The following ANK1 variants were observed in gnomAD, a reference collection of about 807,000 sequenced individuals.
The protein encoded by ANK1 is ankyrin 1, also known as ankyrin-1.
ANK1 carries 51 observed loss-of-function variants against 210.4 expected under a neutral mutation model. The observed-to-expected ratio is 0.24, with a 90% CI of 0.19 to 0.31. The LOEUF is 0.31. Among genes scored for constraint, ANK1 ranks in the 10% least tolerant of loss-of-function variants. The pLI is 1.00. For synonymous variants in ANK1, 967 were observed against 1,025.9 expected (o/e 0.94, Z 1.10); for missense variants, 2,051 against 2,504.4 (o/e 0.82, Z 3.86).
chr8:41,701,429 C>T, intron 22 of ANK1, 121 bp downstream of exon 22: 4 of 835,952 alleles, frequency 4.8e-6, no homozygotes, highest in South Asian at 1.4e-5. Flanking sequence ...GTTTCAGTGT[C>T]CATCTATAGT....
chr8:41,690,530 G>C lies in ANK1; in HGVS notation c.3928C>G (p.Gln1310Glu). Reference protein sequence around the residue: ...NLVPVKKAAQQRSFHFQSFRE... With the variant: ...NLVPVKKAAQERSFHFQSFRE... ...AATGACTGGAAGTGGAAGCTCCGCT[G>C]CTGGGCAGCTTTCTTCACAGGCACC... Residue 1310 changes from glutamine (Q) to glutamate (E), a missense_variant, in exon 32 of 43, where the codon CAG (glutamine) becomes GAG (glutamate). Physicochemically the swap from Gln to Glu is conservative, Grantham distance 29. Coordinates refer to ENST00000289734, the MANE Select transcript of ANK1 (RefSeq NM_000037.4). 4 of 1,614,114 alleles carry C rather than the reference G, an allele frequency of 2.5e-6. No individual in the cohort carries two copies. Among genetic ancestry groups the C allele is most frequent in the Non-Finnish European group, 1.7e-6 (2 of 1,179,960 alleles).
intron 1 of ANK1, among the ~76,000 whole-genome samples, chr8:41,830,149 T>G (rs1338856988): frequency 6.6e-6 from 1 of 151,170 alleles, no homozygotes; most frequent in East Asian, 1.9e-4. Flanking sequence ...TACCTTTTAT[T>G]TGGGCAAGGG....
chr8:41,655,823 A>G (rs1805460491), intron 42 of ANK1, 70 bp from the exon 43 acceptor site: 2 of 1,545,606 alleles, frequency 1.3e-6, no homozygotes, highest in Non-Finnish European at 8.9e-7. Flanking sequence ...AACCCCACAC[A>G]CAGAGTTTTG....
intron 17 of ANK1, among the ~76,000 whole-genome samples, chr8:41,707,555 C>T (rs1267120220): frequency 6.6e-6 from 1 of 152,222 alleles, no homozygotes; most frequent in Non-Finnish European, 1.5e-5. Context: ...TGAGGAGTGA[C>T]TGTGTCAGCC....
chr8:41,835,502 A>G (rs1807499997), intron 1 of ANK1, among the ~76,000 whole-genome samples: 1 of 152,098 alleles, frequency 6.6e-6, no homozygotes, highest in Non-Finnish European at 1.5e-5. Flanking sequence ...TAGCAGGCGT[A>G]TATTCTGCAA....
upstream of ANK1, among the ~76,000 whole-genome samples, chr8:41,798,957 C>A (rs764339561): frequency 6.6e-6 from 1 of 152,150 alleles, no homozygotes; most frequent in Admixed American, 6.5e-5. Flanking sequence ...AAGATGCCAC[C>A]GAGATCAGCT....
At position 41,803,078 on chromosome 8, in the gene ANK1, A is replaced by AGGAAGGAAGGAAGGAAGGGAAGGGAAG. The variant is rs1554630992; in HGVS notation, c.127-44942_127-44941insCTTCCCTTCCCTTCCTTCCTTCCTTCC. ...AAGAGAGAAAGGAAGGAAGGAAGGAAGGAAGGGAAGGAAAGGAAAGGAAAG... is the reference window on the plus strand; with the variant it reads ...AAGAGAGAAAGGAAGGAAGGAAGGAAGGAAGGAAGGAAGGAAGGGAAGGGAAGGGAAGGGAAGGAAAGGAAAGGAAAG... On this transcript the variant is annotated intron_variant, in intron 1 of 42. Coordinates refer to the ANK1 transcript ENST00000265709. Among the ~76,000 whole-genome samples, 11 of 75,002 alleles carry AGGAAGGAAGGAAGGAAGGGAAGGGAAG rather than the reference A, an allele frequency of 1.5e-4. No homozygotes were observed. In the South Asian group the frequency reaches 1.7e-3, roughly 11 times the overall value. The allele number at this position is 75,002 out of a possible 152,430, so 49.2% of individuals were successfully genotyped here.
rs1812852432 is a variant in ANK1 at position 41,672,836 on chromosome 8, G to A, written c.4614C>T (p.Asp1538=). 1 of 1,612,430 alleles carries A rather than the reference G, an allele frequency of 6.2e-7. No individual in the cohort carries two copies. The highest frequency in any genetic ancestry group is 1.3e-5 in the African/African-American group (1 of 74,930). ...GGACGGCCACCTCATTCCAGTACTGGTCTGCACGTAGCGGAGAGGAAAGTG... is the reference window on the plus strand; with the variant it reads ...GGACGGCCACCTCATTCCAGTACTGATCTGCACGTAGCGGAGAGGAAAGTG... ...GCALSSPLRA[D]QYWNEVAVLD... The change falls in exon 38 of 43, where the codon GAC becomes GAT. Residue 1538 remains aspartate, a synonymous_variant. Transcript: ENST00000289734.
intron 1 of ANK1, among the ~76,000 whole-genome samples, chr8:41,770,144 G>C (rs1431945621): frequency 6.6e-6 from 1 of 151,974 alleles, no homozygotes; most frequent in Non-Finnish European, 1.5e-5. Context: ...AACATGCCCA[G>C]CTAATTTTGT....
intron 1 of ANK1, chr8:41,829,471 G>C (rs1257057941): frequency 6.6e-6 from 1 of 152,280 alleles, no homozygotes; most frequent in African/African-American, 2.4e-5. Flanking sequence ...GCAGGGAGTG[G>C]AGCTGGATTC....
intron 1 of ANK1, among the ~76,000 whole-genome samples, chr8:41,763,935 T>C (rs1337008990): frequency 8.2e-6 from 1 of 121,710 alleles, no homozygotes; most frequent in Non-Finnish European, 1.6e-5. Flanking sequence ...AGGCATAGAG[T>C]AGTCAGGACT....
At chr8:41,790,450 G>A (rs771768734) in intron 1 of ANK1, among the ~76,000 whole-genome samples, 1 of 152,066 alleles carries the variant, frequency 6.6e-6, no homozygotes. Flanking sequence ...CCCGGCCTGG[G>A]AAGGAATCTT....
chr8:41,783,127 A>T (rs1434077492), intron 1 of ANK1, among the ~76,000 whole-genome samples: 1 of 152,202 alleles, frequency 6.6e-6, no homozygotes. Context: ...CACCTAATTA[A>T]GTGAATGCAG....
chr8:41,789,018 A>G (rs1847051259), intron 1 of ANK1: 2 of 152,236 alleles, frequency 1.3e-5, no homozygotes, highest in African/African-American at 4.8e-5. Flanking sequence ...AATTCTACAG[A>G]TTCTTCAAGG....
rs372878614 is a variant in ANK1, at chr8:41,684,609, C to G, written c.4472G>C (p.Arg1491Pro). Reference protein sequence around the residue: ...NMLEGSGRQSRNLKPDRRHTD... With the variant: ...NMLEGSGRQSPNLKPDRRHTD... The stretch of plus-strand genomic sequence containing the variant: ...GTGCCGCCTGTCTGGCTTCAAGTTG[C>G]GGCTCTGTCGGCCGGAACCCTCCAG... Residue 1491 changes from arginine to proline, a missense_variant, in exon 37 of 43, where the codon CGC becomes CCC. Transcript: ENST00000289734. 6 of 1,613,734 alleles carry G rather than the reference C, an allele frequency of 3.7e-6. No homozygotes were observed. The highest frequency in any genetic ancestry group is 5.1e-6 in the Non-Finnish European group (6 of 1,180,042).
intron 1 of ANK1, among the ~76,000 whole-genome samples, chr8:41,866,703 C>T (rs1247696819): frequency 1.3e-5 from 2 of 152,362 alleles, no homozygotes; most frequent in South Asian, 2.1e-4. Context: ...AGGAATCGTA[C>T]AGAGTTTGTC....
chr8:41,761,308 C>T (rs142433493), intron 1 of ANK1, among the ~76,000 whole-genome samples: 87 of 151,750 alleles, frequency 5.7e-4, no homozygotes, highest in African/African-American at 1.7e-3. Flanking sequence ...TACACACACA[C>T]GCACACACAT....
intron 36 of ANK1, 56 bp downstream of exon 36, chr8:41,686,096 C>T (rs1320571816): frequency 3.1e-6 from 5 of 1,613,524 alleles, no homozygotes; most frequent in South Asian, 1.1e-5. Flanking sequence ...GAAGGAAGAA[C>T]TAGTTTGGTG....
intron 1 of ANK1, among the ~76,000 whole-genome samples, chr8:41,769,974 T>C (rs1344485439): frequency 8.1e-5 from 11 of 136,406 alleles, no homozygotes; most frequent in African/African-American, 2.5e-4. Context: ...TTTTTTCTTT[T>C]TTCTTTTTTT....
Sources: gnomAD v4.1 joint callset for allele counts (sites outside exome capture counted in the v4.1 genomes callset) on GRCh38, gnomAD v4.1.1 for gene constraint, MANE v1.5 for transcripts, NCBI Gene and HGNC (gene_info 2026-07-23, HGNC 2026-07-21) for gene names.